XKR5: variants seen among roughly 807,000 people sequenced by gnomAD.
XKR5 encodes XK-related protein 5.
XKR5 carries 46 observed loss-of-function variants against 40.8 expected under a neutral mutation model. That is an observed-to-expected ratio of 1.13 (90% CI 0.89 to 1.44). The LOEUF is 1.44. Among genes scored for constraint, XKR5 ranks in the 40% most tolerant of loss-of-function variants. The probability of loss-of-function intolerance (pLI) is 0.00; values close to 1 mark genes in which losing one functional copy is unlikely to be tolerated. For missense variants in XKR5, 1,169 were observed against 844.7 expected, an observed-to-expected ratio of 1.38 and a Z score of -4.76; for synonymous variants, 466 against 356.1, an observed-to-expected ratio of 1.31 and a Z score of -3.48.
chr8:6,828,491 C>G lies in XKR5; in HGVS notation c.243-3142G>C, dbSNP rs141789815. 6.6e-5 allele frequency among the ~76,000 whole-genome samples: 10 copies of G among 152,302 alleles called. No homozygotes were observed. The East Asian group carries it at 1.9e-3, about 29-fold the overall frequency. ...GACTAGCCCGGTTTTCTGAAACGAG[C>G]TGTCTCGAACCCATTGCAGAGGGAG... On this transcript the variant is annotated intron_variant, in intron 2 of 6. Coordinates refer to ENST00000618742, the MANE Select transcript of XKR5 (RefSeq NM_207411.5).
chr8:6,810,147 A>C lies in XKR5; in HGVS notation c.*1051T>G, dbSNP rs1803616309. On this transcript the variant is annotated 3_prime_UTR_variant, in exon 7 of 7. Transcript: ENST00000618742. Reference sequence around the variant, plus strand: ...AAATGAAATGAAACAAAACAAAACAAAAATACCCATCCCTAAATAGCATCC... The same window carrying C: ...AAATGAAATGAAACAAAACAAAACACAAATACCCATCCCTAAATAGCATCC... The C allele has an allele frequency of 6.6e-6, 1 of 152,244 alleles. No homozygotes were observed. Among genetic ancestry groups the C allele is most frequent in the South Asian group, 2.1e-4 (1 of 4,830 alleles). 9.4% of individuals were successfully genotyped at this position (152,244 alleles called of 1,614,324 possible).
chr8:6,822,474 T>C (rs555308918), intron 4 of XKR5, among the ~76,000 whole-genome samples: 1 of 151,862 alleles, frequency 6.6e-6, no homozygotes, highest in African/African-American at 2.4e-5. Flanking sequence ...TTAAGACGAA[T>C]AAATCATTTT....
intron 2 of XKR5, among the ~76,000 whole-genome samples, chr8:6,826,724 A>G (rs1804502270): frequency 6.6e-6 from 1 of 152,110 alleles, no homozygotes; most frequent in Non-Finnish European, 1.5e-5. Context: ...GCCAGAAGAG[A>G]CTGTGTGAAG....
intron 3 of XKR5, 65 bp from the exon 4 acceptor site, chr8:6,823,795 A>G: frequency 7.3e-7 from 1 of 1,363,268 alleles, no homozygotes; most frequent in South Asian, 1.3e-5. Context: ...CCTTGTGAAG[A>G]TTCACTCATG....
chr8:6,815,359 C>A (rs968526720), intron 6 of XKR5, among the ~76,000 whole-genome samples: 1 of 152,180 alleles, frequency 6.6e-6, no homozygotes, highest in African/African-American at 2.4e-5. Flanking sequence ...TGTTACAAAC[C>A]ATTGGATCTT....
rs770730377 is a variant in XKR5, at chr8:6,811,637, G to T, written c.1622C>A (p.Thr541Lys). ...QRGGEGQQSS[T>K]LYFSATAEVA... ...TTCTGCAGTGGCGCTGAAGTACAAC[G>T]TGGAACTCTGCTGTCCTTCCCCTCC... Residue 541 changes from threonine to lysine, a missense_variant, in exon 7 of 7, where the codon ACG (threonine) becomes AAG (lysine). By Grantham distance (78) the Thr-to-Lys change is moderately conservative (BLOSUM62 -1). Transcript: ENST00000618742. The T allele has an allele frequency of 6.5e-7, 1 of 1,537,532 alleles. No individual in the cohort carries two copies. Among genetic ancestry groups the T allele is most frequent in the South Asian group, 1.2e-5 (1 of 84,048 alleles).
In XKR5 at chr8:6,821,930, A is replaced by G; in HGVS notation, c.746T>C (p.Ile249Thr). The G allele has an allele frequency of 1.2e-6, 2 of 1,613,274 alleles. No individual in the cohort carries two copies. The highest frequency in any genetic ancestry group is 1.7e-6 in the Non-Finnish European group (2 of 1,179,614). Reference sequence around the variant, plus strand: ...GTCCCAGAAGCTGAGGTAGCAGAGGATGTACACGGCCCCCACGAGCAGGTT... The same window carrying G: ...GTCCCAGAAGCTGAGGTAGCAGAGGGTGTACACGGCCCCCACGAGCAGGTT... ...LFNLLVGAVY[I>T]LCYLSFWDSP... is the part of the protein sequence containing the mutation. The change falls in exon 5 of 7, where the codon ATC (isoleucine) becomes ACC (threonine). Residue 249 changes from isoleucine (I) to threonine (T), a missense_variant. Transcript: ENST00000618742.
intron 5 of XKR5, among the ~76,000 whole-genome samples, chr8:6,819,536 C>A (rs1360617973): frequency 6.6e-6 from 1 of 152,208 alleles, no homozygotes; most frequent in African/African-American, 2.4e-5. Context: ...GGCTGCCTCA[C>A]ACTCTGAATG....
In XKR5 at chr8:6,809,382, C is replaced by G. The variant is rs1803581191; in HGVS notation, c.*1816G>C. The stretch of plus-strand genomic sequence containing the variant: ...TCAGCTCACTGCAACCTCTGCCTCC[C>G]AGTTCAACTGATTCTCGTGCCTCAG... On this transcript the variant is annotated 3_prime_UTR_variant, in exon 7 of 7. Coordinates refer to ENST00000618742, the MANE Select transcript of XKR5 (RefSeq NM_207411.5). The G allele has an allele frequency of 6.6e-6, 1 of 152,216 alleles. No individual in the cohort carries two copies. The highest frequency in any genetic ancestry group is 2.1e-4 in the South Asian group (1 of 4,818). The allele number at this position is 152,216 out of a possible 1,614,324, so 9.4% of individuals were successfully genotyped here. A position where few individuals can be genotyped will look rare whatever the true frequency, so the allele number is the denominator to read the frequency against.
rs569572348 is a variant in XKR5 at position 6,816,025 on chromosome 8, C to T, written c.808-107G>A. Reference sequence around the variant, plus strand: ...TCCCCCTCCCCTCCATCCTGAGTGCCCACTGGAGACTCCAGGCTGCTGAGG... The same window carrying T: ...TCCCCCTCCCCTCCATCCTGAGTGCTCACTGGAGACTCCAGGCTGCTGAGG... On this transcript the variant is annotated intron_variant, in intron 5 of 6. Coordinates refer to ENST00000618742, the MANE Select transcript of XKR5 (RefSeq NM_207411.5). 1,792 of 756,342 alleles carry T rather than the reference C, an allele frequency of 2.4e-3. 41 individuals are homozygous for T. The South Asian group carries it at 0.028, about 12-fold the overall frequency. The allele number at this position is 756,342 out of a possible 1,614,324, so 46.9% of individuals were successfully genotyped here. A position where few individuals can be genotyped will look rare whatever the true frequency, so the allele number is the denominator to read the frequency against.
chr8:6,830,999 C>A (rs1804740159), intron 2 of XKR5, among the ~76,000 whole-genome samples: 1 of 152,184 alleles, frequency 6.6e-6, no homozygotes, highest in Non-Finnish European at 1.5e-5. Context: ...ATTTGTCTAA[C>A]CGTTCATTAC....
chr8:6,831,380 G>C lies in XKR5; in HGVS notation c.242+1337C>G, dbSNP rs567395668. 3.7e-4 allele frequency among the ~76,000 whole-genome samples: 56 copies of C among 152,298 alleles called. 1 individual carries two copies. In the South Asian group the frequency reaches 0.011, roughly 29 times the overall value. On this transcript the variant is annotated intron_variant, in intron 2 of 6. Transcript: ENST00000618742. Reference sequence around the variant, plus strand: ...GCCTGTGGCTGCAAATATGCTTTCGGTGCTGTTAGAGGTTTAGGGTCCAAC... The same window carrying C: ...GCCTGTGGCTGCAAATATGCTTTCGCTGCTGTTAGAGGTTTAGGGTCCAAC...
In XKR5 at chr8:6,810,027, T is replaced by G. The variant is rs1012566086; in HGVS notation, c.*1171A>C. On this transcript the variant is annotated 3_prime_UTR_variant, in exon 7 of 7. Transcript: ENST00000618742. ...ACTCGAGAGGCTGAGGTGAGAGGAT[T>G]GCTTAAGCCCTGGAGGTTGAGGCTG... The G allele has an allele frequency of 6.6e-6, 1 of 152,184 alleles. No homozygotes were observed. Among genetic ancestry groups the G allele is most frequent in the African/African-American group, 2.4e-5 (1 of 41,418 alleles). 9.4% of individuals were successfully genotyped at this position (152,184 alleles called of 1,614,324 possible).
rs1804969858 is a variant in XKR5, at chr8:6,835,435, C to T, written c.58+1G>A. ...GCACAGCCTCGGGCTGCCGCACTCA[C>T]GCGCGCTCTGCTCGGCCGCCTGCAG... On this transcript the variant is annotated splice_donor_variant, in intron 1 of 6. Transcript: ENST00000618742. LOFTEE classifies it high-confidence loss of function. 2.7e-6 allele frequency: 4 copies of T among 1,488,622 alleles called. No homozygotes were observed. Among genetic ancestry groups the T allele is most frequent in the Non-Finnish European group, 3.6e-6 (4 of 1,126,536 alleles). The allele number at this position is 1,488,622 out of a possible 1,614,324, so 92.2% of individuals were successfully genotyped here.
At chr8:6,827,017 G>A (rs1040603502) in intron 2 of XKR5, among the ~76,000 whole-genome samples, 1 of 152,140 alleles carries the variant, frequency 6.6e-6, no homozygotes, top group Non-Finnish European at 1.5e-5. Context: ...CCTATGCCAG[G>A]CACCTTTACT....
chr8:6,817,151 C>G (rs777716660), intron 5 of XKR5, among the ~76,000 whole-genome samples: 9 of 152,078 alleles, frequency 5.9e-5, no homozygotes, highest in Non-Finnish European at 1.0e-4. Flanking sequence ...CTAGGCAACC[C>G]CTATCTTCAT....
At chr8:6,831,109 C>T (rs909015894) in intron 2 of XKR5, among the ~76,000 whole-genome samples, 6 of 152,310 alleles carry the variant, frequency 3.9e-5, no homozygotes, top group South Asian at 2.1e-4. Context: ...CCTCTGTCCT[C>T]GAGGGCTCAT....
In XKR5 at chr8:6,809,629, A is replaced by T. The variant is rs1803591460; in HGVS notation, c.*1569T>A. The T allele has an allele frequency of 6.6e-6, 1 of 152,172 alleles. No homozygotes were observed. Among genetic ancestry groups the T allele is most frequent in the Admixed American group, 6.5e-5 (1 of 15,272 alleles). 9.4% of individuals were successfully genotyped at this position (152,172 alleles called of 1,614,324 possible). A position where few individuals can be genotyped will look rare whatever the true frequency, so the allele number is the denominator to read the frequency against. ...TTCACCTGTTGTATGGAAAGTTTGT[A>T]GCCACTTGTCTGCATCCCCGATTGG... On this transcript the variant is annotated 3_prime_UTR_variant, in exon 7 of 7. Transcript: ENST00000618742.
intron 2 of XKR5, among the ~76,000 whole-genome samples, chr8:6,830,285 C>A (rs747805680): frequency 1.3e-5 from 2 of 152,234 alleles, no homozygotes; most frequent in Non-Finnish European, 2.9e-5. Flanking sequence ...GCTCCCCCTA[C>A]AGGTCCTTTT....
Sources: gnomAD v4.1 joint callset for allele counts (sites outside exome capture counted in the v4.1 genomes callset) on GRCh38, gnomAD v4.1.1 for gene constraint, MANE v1.5 for transcripts, NCBI Gene and HGNC (gene_info 2026-07-23, HGNC 2026-07-21) for gene names.